DCST2: variants seen among roughly 807,000 people sequenced by gnomAD.
The protein encoded by DCST2 is DC-STAMP domain containing 2, also known as DC-STAMP domain-containing protein 2.
A neutral mutation model predicts 81.8 loss-of-function variants in DCST2; 64 were observed. That is an observed-to-expected ratio of 0.78 (90% confidence interval 0.64 to 0.96). The LOEUF is 0.96. Among genes scored for constraint, DCST2 ranks in the 40% least tolerant of loss-of-function variants. The probability of loss-of-function intolerance (pLI) is 0.00; values close to 1 mark genes in which losing one functional copy is unlikely to be tolerated. For synonymous variants in DCST2, 354 were observed against 402.6 expected (o/e 0.88, Z 1.44); for missense variants, 945 against 1,001.4 (o/e 0.94, Z 0.76).
intron 14 of DCST2, among the ~76,000 whole-genome samples, chr1:155,019,560 C>T (rs1057309973): frequency 2.0e-5 from 3 of 152,250 alleles, no homozygotes; most frequent in African/African-American, 7.2e-5. Context: ...TCAGCCAGCT[C>T]TCCCTCCTGG....
chr1:155,021,371 A>C (rs1659751953), intron 14 of DCST2, among the ~76,000 whole-genome samples: 1 of 151,966 alleles, frequency 6.6e-6, no homozygotes, highest in Non-Finnish European at 1.5e-5. Flanking sequence ...TCCTGGACTC[A>C]AGTGATCGGC....
rs765049478 is a variant in DCST2, at chr1:155,018,530, T to C, written c.*14A>G. 1.1e-5 allele frequency: 18 copies of C among 1,605,632 alleles called. No homozygotes were observed. Among genetic ancestry groups the C allele is most frequent in the African/African-American group, 2.7e-5 (2 of 74,564 alleles). Reference sequence around the variant, plus strand: ...AATAATAATTTAAGATTCACACTTGTGTCCACTTTTGGTTTATTTGGGGGG... The same window carrying C: ...AATAATAATTTAAGATTCACACTTGCGTCCACTTTTGGTTTATTTGGGGGG... On this transcript the variant is annotated 3_prime_UTR_variant, in exon 15 of 15. Coordinates refer to ENST00000368424, the MANE Select transcript of DCST2 (RefSeq NM_144622.3).
chr1:155,032,606 C>T (rs753423718), intron 3 of DCST2, 61 bp downstream of exon 3: 37 of 1,454,652 alleles, frequency 2.5e-5, no homozygotes, highest in African/African-American at 2.1e-4. Flanking sequence ...CATGAGCCAC[C>T]GCACCCGGCC....
chr1:155,029,163 G>T, intron 8 of DCST2, 70 bp downstream of exon 8: 1 of 1,558,480 alleles, frequency 6.4e-7, no homozygotes, highest in South Asian at 1.2e-5. Flanking sequence ...GGGAGCAGGC[G>T]GGGAGATCAG....
chr1:155,029,478 C>T (rs912581254), intron 7 of DCST2, 81 bp from the exon 8 acceptor site: 14 of 1,418,928 alleles, frequency 9.9e-6, no homozygotes, highest in Non-Finnish European at 1.3e-5. Context: ...AGGCCTCCTG[C>T]CCCTAATCAG....
chr1:155,031,095 T>A, intron 5 of DCST2, 74 bp downstream of exon 5: 1 of 1,486,302 alleles, frequency 6.7e-7, no homozygotes, highest in Non-Finnish European at 9.1e-7. Context: ...CACTGGGGGC[T>A]GGCCATGGCC....
intron 3 of DCST2, 119 bp from the exon 4 acceptor site, chr1:155,031,890 G>T: frequency 9.2e-7 from 1 of 1,090,938 alleles, no homozygotes; most frequent in Non-Finnish European, 1.3e-6. Flanking sequence ...GGACCTGGCT[G>T]TGCTGTGTCC....
At chr1:155,025,651 C>A (rs1248565130) in intron 10 of DCST2, among the ~76,000 whole-genome samples, 2 of 151,894 alleles carry the variant, frequency 1.3e-5, no homozygotes, top group Non-Finnish European at 2.9e-5. Context: ...TTAATTACAC[C>A]TCAACATGCC....
At chr1:155,020,524 C>T (rs1312353602) in intron 14 of DCST2, among the ~76,000 whole-genome samples, 1 of 152,204 alleles carries the variant, frequency 6.6e-6, no homozygotes, top group Non-Finnish European at 1.5e-5. Context: ...CGCCTGCCAC[C>T]ATGCCTAATT....
In DCST2 at chr1:155,030,073, A is replaced by C. The variant is rs1308858978; in HGVS notation, c.1177+11T>G. 1.9e-6 allele frequency: 3 copies of C among 1,612,562 alleles called. No homozygotes were observed. The highest frequency in any genetic ancestry group is 2.5e-6 in the Non-Finnish European group (3 of 1,179,816). On this transcript the variant is annotated intron_variant, in intron 7 of 14. Transcript: ENST00000368424. The stretch of plus-strand genomic sequence containing the variant: ...CCTGGCTTGGGCTCTCCCTGTCCTC[A>C]GGGCCCTCACCCGGTGGGATGTAGC...
rs958534521 is a variant in DCST2, at chr1:155,024,484, A to T, written c.1730T>A (p.Val577Glu). ...ADQGHRSAFLVLASRCPCLGP... is the reference protein window; with the variant it reads ...ADQGHRSAFLELASRCPCLGP... The stretch of plus-strand genomic sequence containing the variant: ...ACAGTGGCCTCACCGACTGGCCAGC[A>T]CTAGGAAGGCACTTCTGTGGCCCTG... The change falls in exon 11 of 15, where the codon GTG becomes GAG. Residue 577 changes from valine to glutamate, a missense_variant. Coordinates refer to ENST00000368424, the MANE Select transcript of DCST2 (RefSeq NM_144622.3). 2.5e-6 allele frequency: 4 copies of T among 1,606,380 alleles called. No homozygotes were observed. The highest frequency in any genetic ancestry group is 3.4e-6 in the Non-Finnish European group (4 of 1,176,056).
At position 155,026,776 on chromosome 1, in the gene DCST2, C is replaced by G. The variant is rs1203446088; in HGVS notation, c.1343-61G>C. On this transcript the variant is annotated intron_variant, in intron 8 of 14. Coordinates refer to ENST00000368424, the MANE Select transcript of DCST2 (RefSeq NM_144622.3). The stretch of plus-strand genomic sequence containing the variant: ...CAGTTGCTATGCAGAAAACCCCACA[C>G]CTTCTGGAATGAGGAAAGTGGAGCA... The G allele has an allele frequency of 5.0e-6, 8 of 1,596,252 alleles. No individual in the cohort carries two copies. In the South Asian group the frequency reaches 7.7e-5, roughly 15 times the overall value.
chr1:155,028,216 C>T (rs554443716), intron 8 of DCST2, among the ~76,000 whole-genome samples: 3 of 152,210 alleles, frequency 2.0e-5, no homozygotes, highest in Non-Finnish European at 2.9e-5. Context: ...ATGAGCCACC[C>T]GCCTGGCCCC....
In DCST2 at chr1:155,026,732, G is replaced by A. The variant is rs1275159117; in HGVS notation, c.1343-17C>T. The A allele has an allele frequency of 1.2e-6, 2 of 1,613,504 alleles. No individual in the cohort carries two copies. Among genetic ancestry groups the A allele is most frequent in the South Asian group, 1.1e-5 (1 of 91,082 alleles). Reference sequence around the variant, plus strand: ...ACACAGGACCTGGCACAAAGACACTGTGTGAGTGACACTCATGGCAGTTGC... The same window carrying A: ...ACACAGGACCTGGCACAAAGACACTATGTGAGTGACACTCATGGCAGTTGC... On this transcript the variant is annotated splice_polypyrimidine_tract_variant and intron_variant, in intron 8 of 14. Coordinates refer to ENST00000368424, the MANE Select transcript of DCST2 (RefSeq NM_144622.3).
chr1:155,022,829 T>C lies in DCST2; in HGVS notation c.2105+288A>G, dbSNP rs1659790120. 2.0e-5 allele frequency among the ~76,000 whole-genome samples: 3 copies of C among 152,182 alleles called. No individual in the cohort carries two copies. In the South Asian group the frequency reaches 6.2e-4, roughly 32 times the overall value. On this transcript the variant is annotated intron_variant, in intron 14 of 14. Transcript: ENST00000368424. ...CATTAATATGCCCCTTTTCCCAAAT[T>C]GGCTGTTGTGTCCTCTGTGCTGTCC...
chr1:155,033,570 C>G lies in DCST2; in HGVS notation c.132G>C (p.Glu44Asp), dbSNP rs1407155380. ...AGGGGCTGTGGCCTTCCACCAGTAG[C>G]TCCAGAAGCCCGTAGGCCGTGGCTA... ...LSLATAYGLLELLVEGHSPWG... is the reference protein window; with the variant it reads ...LSLATAYGLLDLLVEGHSPWG... The change falls in exon 1 of 15, where the codon GAG becomes GAC. Residue 44 changes from glutamate to aspartate, a missense_variant. By Grantham distance (45) the Glu-to-Asp change is conservative. Transcript: ENST00000368424. 6.2e-7 allele frequency: 1 copy of G among 1,614,074 alleles called. No individual in the cohort carries two copies. The highest frequency in any genetic ancestry group is 8.5e-7 in the Non-Finnish European group (1 of 1,180,034).
intron 12 of DCST2, 172 bp downstream of exon 12, chr1:155,023,660 G>A: frequency 6.4e-7 from 1 of 1,553,296 alleles, no homozygotes; most frequent in South Asian, 1.2e-5. Context: ...CAAGCATGGA[G>A]AAAATGAGCT....
At chr1:155,027,290 C>T (rs1392521782) in intron 8 of DCST2, among the ~76,000 whole-genome samples, 1 of 146,886 alleles carries the variant, frequency 6.8e-6, no homozygotes, top group East Asian at 2.1e-4. Flanking sequence ...AATCCGCCTG[C>T]CTTAGCCTCC....
At chr1:155,021,824 G>T (rs1381728056) in intron 14 of DCST2, among the ~76,000 whole-genome samples, 1 of 149,338 alleles carries the variant, frequency 6.7e-6, no homozygotes, top group Non-Finnish European at 1.5e-5. Context: ...TGACCTCCCT[G>T]CTCCTGCCCA....
Sources: allele counts gnomAD v4.1 joint callset (sites outside exome capture counted in the v4.1 genomes callset), GRCh38; gene constraint gnomAD v4.1.1; transcripts MANE v1.5; gene names NCBI Gene and HGNC (gene_info 2026-07-23, HGNC 2026-07-21).